Variants in EPHA6 observed in about 807,000 individuals in gnomAD.
EPHA6 encodes ephrin type-A receptor 6.
EPHA6 carries 50 observed loss-of-function variants against 112.0 expected under a neutral mutation model. That is an observed-to-expected ratio of 0.45 (90% confidence interval 0.36 to 0.56). The LOEUF (loss-of-function observed/expected upper bound fraction) is 0.56. EPHA6 is among the 20% of genes least tolerant of loss of function. EPHA6 has a pLI of 0.00. For synonymous variants in EPHA6, 529 were observed against 490.7 expected (o/e 1.08, Z -1.03); for missense variants, 1,280 against 1,417.4 (o/e 0.90, Z 1.56).
At chr3:97,177,275 G>T (rs2076862293) in intron 3 of EPHA6, among the ~76,000 whole-genome samples, 1 of 151,914 alleles carries the variant, frequency 6.6e-6, no homozygotes, top group South Asian at 2.1e-4. Flanking sequence ...AAGGTTTAAA[G>T]ACTTGTTTTG....
chr3:96,976,826 A>G (rs557487158), intron 2 of EPHA6, among the ~76,000 whole-genome samples: 2 of 152,276 alleles, frequency 1.3e-5, no homozygotes, highest in Admixed American at 1.3e-4. Flanking sequence ...TTCTTGCTCA[A>G]ATGGCCTTAA....
intron 5 of EPHA6, among the ~76,000 whole-genome samples, chr3:97,356,902 T>C (rs998372352): frequency 2.0e-5 from 3 of 152,294 alleles, no homozygotes; most frequent in Middle Eastern, 3.4e-3. Context: ...ACTAGTATTG[T>C]ACAACTATTC....
intron 3 of EPHA6, among the ~76,000 whole-genome samples, chr3:97,072,331 T>A (rs1437759215): frequency 6.6e-6 from 1 of 152,032 alleles, no homozygotes; most frequent in East Asian, 1.9e-4. Flanking sequence ...TGGACCCCAA[T>A]CCCGTATGAC....
At position 97,757,444 on chromosome 3, in the gene EPHA6, C is replaced by T. The variant is rs1269812468; in HGVS notation, c.*8743C>T. Among the ~76,000 whole-genome samples, 2 of 151,516 alleles carry T rather than the reference C, an allele frequency of 1.3e-5. No homozygotes were observed. The highest frequency in any genetic ancestry group is 3.0e-5 in the Non-Finnish European group (2 of 67,630). On this transcript the variant is annotated 3_prime_UTR_variant, in exon 18 of 18. Transcript: ENST00000389672. Reference sequence around the variant, plus strand: ...TTCTTAACATTTCCATATTATTAATCCTTTGTTTTCCAAGACATATATAAT... The same window carrying T: ...TTCTTAACATTTCCATATTATTAATTCTTTGTTTTCCAAGACATATATAAT...
At chr3:97,405,717 T>C (rs533318531) in intron 6 of EPHA6, among the ~76,000 whole-genome samples, 2 of 152,118 alleles carry the variant, frequency 1.3e-5, no homozygotes, top group Non-Finnish European at 2.9e-5. Context: ...TTGGAAAGTA[T>C]TATTTAAGGG....
chr3:97,080,585 G>T (rs1411947059), intron 3 of EPHA6, among the ~76,000 whole-genome samples: 2 of 151,998 alleles, frequency 1.3e-5, no homozygotes, highest in East Asian at 1.9e-4. Context: ...TGTATATGAA[G>T]AAATATAGTT....
At chr3:97,023,253 G>C (rs886631707) in intron 3 of EPHA6, among the ~76,000 whole-genome samples, 4 of 152,004 alleles carry the variant, frequency 2.6e-5, no homozygotes, top group Non-Finnish European at 4.4e-5. Context: ...TAATTTTTTT[G>C]TATTTTTAGT....
chr3:96,833,572 A>G (rs530148969), intron 1 of EPHA6, among the ~76,000 whole-genome samples: 4 of 152,118 alleles, frequency 2.6e-5, no homozygotes, highest in Admixed American at 1.3e-4. Context: ...GGAGTAAACT[A>G]TGGTGTCTGT....
chr3:96,954,192 G>T (rs191571991), intron 2 of EPHA6, among the ~76,000 whole-genome samples: 1 of 152,114 alleles, frequency 6.6e-6, no homozygotes, highest in Admixed American at 6.5e-5. Context: ...CATCTTAACC[G>T]CTGTCCCTTC....
chr3:97,710,286 A>G (rs1035379493), intron 14 of EPHA6, among the ~76,000 whole-genome samples: 1 of 152,128 alleles, frequency 6.6e-6, no homozygotes, highest in Non-Finnish European at 1.5e-5. Context: ...GTCATTCTTC[A>G]TCTTTTCTCT....
chr3:97,200,448 G>A (rs2077550675), intron 3 of EPHA6, among the ~76,000 whole-genome samples: 1 of 152,052 alleles, frequency 6.6e-6, no homozygotes, highest in South Asian at 2.1e-4. Flanking sequence ...GACTATATGA[G>A]ATAGTGCATG....
At chr3:96,944,424 G>C (rs935554634) in intron 2 of EPHA6, among the ~76,000 whole-genome samples, 3 of 150,086 alleles carry the variant, frequency 2.0e-5, no homozygotes, top group African/African-American at 7.4e-5. Context: ...ATCTTATTTA[G>C]TTTCAAGGCT....
At chr3:97,432,705 C>G (rs890905967) in intron 6 of EPHA6, among the ~76,000 whole-genome samples, 4 of 152,096 alleles carry the variant, frequency 2.6e-5, no homozygotes, top group African/African-American at 9.7e-5. Context: ...AGGAAACTTA[C>G]AATCATGTGT....
chr3:97,353,316 C>G (rs1046500109), intron 5 of EPHA6, among the ~76,000 whole-genome samples: 1 of 151,706 alleles, frequency 6.6e-6, no homozygotes, highest in Non-Finnish European at 1.5e-5. Context: ...AGCTCGGCCA[C>G]AGTGGGATAG....
At chr3:97,435,661 A>G (rs1027487940) in intron 6 of EPHA6, among the ~76,000 whole-genome samples, 19 of 152,202 alleles carry the variant, frequency 1.2e-4, no homozygotes, top group East Asian at 5.8e-4. Context: ...AACATGGGCA[A>G]CATGTGTGAC....
chr3:97,626,403 T>C (rs2093856920), intron 13 of EPHA6, among the ~76,000 whole-genome samples: 1 of 151,800 alleles, frequency 6.6e-6, no homozygotes, highest in Admixed American at 6.6e-5. Flanking sequence ...ACATGAACAC[T>C]CAACTCCCCA....
chr3:97,573,071 A>C (rs190350067), intron 11 of EPHA6, among the ~76,000 whole-genome samples: 1 of 152,338 alleles, frequency 6.6e-6, no homozygotes. Flanking sequence ...CTCTTGAATT[A>C]AGCAAAAGGC....
intron 3 of EPHA6, among the ~76,000 whole-genome samples, chr3:97,014,593 C>T (rs557126048): frequency 6.6e-6 from 1 of 152,264 alleles, no homozygotes; most frequent in Admixed American, 6.5e-5. Flanking sequence ...TAGGAAAGGA[C>T]TGCGATGTTG....
At position 97,548,444 on chromosome 3, in the gene EPHA6, A is replaced by G. The variant is rs954859082; in HGVS notation, c.2386+15901A>G. On this transcript the variant is annotated intron_variant, in intron 11 of 17. Coordinates refer to ENST00000389672, the MANE Select transcript of EPHA6 (RefSeq NM_001080448.3). ...AAAAATATATATTTTGGGGAGGGAT[A>G]ATTTAGGCTTTGCAAATATCCTATT... 2.0e-5 allele frequency among the ~76,000 whole-genome samples: 3 copies of G among 152,262 alleles called. No individual in the cohort carries two copies. The South Asian group carries it at 6.2e-4, about 32-fold the overall frequency.
Sources: gnomAD v4.1 joint callset for allele counts (sites outside exome capture counted in the v4.1 genomes callset) on GRCh38, gnomAD v4.1.1 for gene constraint, MANE v1.5 for transcripts, NCBI Gene and HGNC (gene_info 2026-07-23, HGNC 2026-07-21) for gene names.